SNX27: variants seen among roughly 807,000 people sequenced by gnomAD.
SNX27 encodes sorting nexin-27.
In SNX27, 22 loss-of-function variants were observed where a neutral mutation model predicts 71.6. That is an observed-to-expected ratio of 0.31 (90% CI 0.22 to 0.44). The LOEUF (loss-of-function observed/expected upper bound fraction) is 0.44. SNX27 is among the 20% of genes least tolerant of loss of function. The pLI is 1.00. For missense variants in SNX27, 531 were observed against 698.6 expected, an observed-to-expected ratio of 0.76 and a Z score of 2.70; for synonymous variants, 269 against 277.2, an observed-to-expected ratio of 0.97 and a Z score of 0.29.
chr1:151,692,717 C>A, intron 9 of SNX27, 133 bp downstream of exon 9: 1 of 1,414,024 alleles, frequency 7.1e-7, no homozygotes, highest in Non-Finnish European at 9.6e-7. Flanking sequence ...AATAAACAGG[C>A]ATGGAATCCA....
At chr1:151,688,937 A>C (rs1223854470) in intron 8 of SNX27, among the ~76,000 whole-genome samples, 1 of 151,972 alleles carries the variant, frequency 6.6e-6, no homozygotes, top group Non-Finnish European at 1.5e-5. Context: ...CTCTCTGAAA[A>C]CCTTGTCTTC....
chr1:151,684,630 G>T (rs972310353), intron 8 of SNX27, among the ~76,000 whole-genome samples: 1 of 151,912 alleles, frequency 6.6e-6, no homozygotes, highest in Non-Finnish European at 1.5e-5. Context: ...CTTACGATGG[G>T]GTTACATCCC....
Position 151,630,371 on chromosome 1 carries a change from A to G in SNX27, c.312-8517A>G, listed in dbSNP as rs143257496. ...TTTATAAAACCATCTCATATTCTAGATGATAAAAGTTGATATTAAAAATAA... is the reference window on the plus strand; with the variant it reads ...TTTATAAAACCATCTCATATTCTAGGTGATAAAAGTTGATATTAAAAATAA... On this transcript the variant is annotated intron_variant, in intron 1 of 11. Coordinates refer to ENST00000458013, the MANE Select transcript of SNX27 (RefSeq NM_001330723.2). Among the ~76,000 whole-genome samples, 849 of 152,278 alleles carry G rather than the reference A, an allele frequency of 5.6e-3. 7 individuals carry two copies. The highest frequency in any genetic ancestry group is 0.02 in the African/African-American group (814 of 41,566).
chr1:151,670,607 T>C (rs1489757814), intron 7 of SNX27, among the ~76,000 whole-genome samples: 2 of 152,176 alleles, frequency 1.3e-5, no homozygotes, highest in East Asian at 1.9e-4. Context: ...TGAGATGATA[T>C]CTCATTGTAG....
At chr1:151,613,894 C>T (rs1055982287) in intron 1 of SNX27, 4 of 152,112 alleles carry the variant, frequency 2.6e-5, no homozygotes, top group Non-Finnish European at 4.4e-5. Context: ...TACACTTTTA[C>T]TCTCTCCCTC....
At chr1:151,659,350 C>T (rs965788552) in intron 3 of SNX27, among the ~76,000 whole-genome samples, 10 of 151,972 alleles carry the variant, frequency 6.6e-5, no homozygotes, top group Admixed American at 3.9e-4. Flanking sequence ...CAGGTTCAAG[C>T]GATTCTCCTG....
intron 7 of SNX27, among the ~76,000 whole-genome samples, chr1:151,674,483 T>C (rs1437744344): frequency 6.6e-6 from 1 of 152,178 alleles, no homozygotes; most frequent in East Asian, 1.9e-4. Context: ...ATTTTGAAGT[T>C]ATCTTTTTCC....
intron 8 of SNX27, among the ~76,000 whole-genome samples, chr1:151,683,952 C>A (rs1671079149): frequency 6.6e-6 from 1 of 152,128 alleles, no homozygotes; most frequent in African/African-American, 2.4e-5. Flanking sequence ...CAGGACTGAG[C>A]CACTGAGCCT....
chr1:151,628,109 C>T (rs910613237), intron 1 of SNX27, among the ~76,000 whole-genome samples: 24 of 151,072 alleles, frequency 1.6e-4, no homozygotes, highest in Admixed American at 4.0e-4. Flanking sequence ...TGGGTTCAAG[C>T]GATTCTCCTG....
intron 7 of SNX27, among the ~76,000 whole-genome samples, chr1:151,682,063 T>C (rs1670991987): frequency 6.6e-6 from 1 of 152,234 alleles, no homozygotes; most frequent in African/African-American, 2.4e-5. Context: ...TTCATTGTAA[T>C]GCAGCATTAT....
intron 6 of SNX27, chr1:151,666,566 G>A (rs1670197409): frequency 6.6e-6 from 1 of 152,184 alleles, no homozygotes; most frequent in African/African-American, 2.4e-5. Context: ...GACTACAAAG[G>A]GGAGAGAGTC....
intron 1 of SNX27, among the ~76,000 whole-genome samples, chr1:151,620,450 A>T (rs1182169202): frequency 6.6e-6 from 1 of 152,238 alleles, no homozygotes; most frequent in Admixed American, 6.5e-5. Context: ...GGAACTAAGA[A>T]CAACTAAGCT....
chr1:151,672,845 T>G (rs1204397625), intron 7 of SNX27, among the ~76,000 whole-genome samples: 1 of 151,896 alleles, frequency 6.6e-6, no homozygotes, highest in African/African-American at 2.4e-5. Flanking sequence ...TCCTTTTTCA[T>G]CTCTGATTTT....
intron 1 of SNX27, among the ~76,000 whole-genome samples, 199 bp from the exon 2 acceptor site, chr1:151,638,688 AT>A (rs962267251): frequency 4.0e-5 from 6 of 151,862 alleles, no homozygotes; most frequent in African/African-American, 1.4e-4. Context: ...ACCTCTTTCC[AT>A]TTTTCCCCCC....
At chr1:151,691,714 C>G (rs976672185) in intron 8 of SNX27, among the ~76,000 whole-genome samples, 2 of 151,948 alleles carry the variant, frequency 1.3e-5, no homozygotes, top group Non-Finnish European at 2.9e-5. Flanking sequence ...CGGGGTTTCA[C>G]TGTGTTAGCC....
At chr1:151,618,585 G>A (rs902860133) in intron 1 of SNX27, among the ~76,000 whole-genome samples, 10 of 152,112 alleles carry the variant, frequency 6.6e-5, no homozygotes, top group Admixed American at 5.2e-4. Flanking sequence ...TTTTTCAGAT[G>A]AGGGCCTGTT....
chr1:151,683,347 T>C lies in SNX27; in HGVS notation c.1150-9T>C, dbSNP rs1671052133. On this transcript the variant is annotated splice_polypyrimidine_tract_variant and intron_variant, in intron 7 of 11. Coordinates refer to ENST00000458013, the MANE Select transcript of SNX27 (RefSeq NM_001330723.2). The stretch of plus-strand genomic sequence containing the variant: ...ACTCCTTTCTGCTCTACTTCTGTTT[T>C]GGTGATAGGCAGTCGATGATGTGAA... The C allele has an allele frequency of 3.1e-6, 5 of 1,604,334 alleles. No individual in the cohort carries two copies. Among genetic ancestry groups the C allele is most frequent in the East Asian group, 4.5e-5 (2 of 44,730 alleles).
intron 2 of SNX27, among the ~76,000 whole-genome samples, chr1:151,656,246 C>T (rs1669688501): frequency 7.0e-6 from 1 of 142,008 alleles, no homozygotes; most frequent in African/African-American, 2.6e-5. Flanking sequence ...AAAAAAAAGA[C>T]CAGTGACAAA....
At chr1:151,625,304 G>A (rs1446309729) in intron 1 of SNX27, among the ~76,000 whole-genome samples, 1 of 151,976 alleles carries the variant, frequency 6.6e-6, no homozygotes, top group Non-Finnish European at 1.5e-5. Flanking sequence ...TCAGGGGTTC[G>A]AGACTAGCCT....
Sources: allele counts gnomAD v4.1 joint callset (sites outside exome capture counted in the v4.1 genomes callset), GRCh38; gene constraint gnomAD v4.1.1; transcripts MANE v1.5; gene names NCBI Gene and HGNC (gene_info 2026-07-23, HGNC 2026-07-21).